FNDC3B: variants seen among roughly 807,000 people sequenced by gnomAD.
FNDC3B encodes the protein fibronectin type III domain containing 3B, also known as fibronectin type III domain-containing protein 3B.
A neutral mutation model predicts 151.5 loss-of-function variants in FNDC3B; 12 were observed. That is an observed-to-expected ratio of 0.08 (90% CI 0.05 to 0.13). The LOEUF (loss-of-function observed/expected upper bound fraction) is 0.13. Among genes scored for constraint, FNDC3B ranks in the 10% least tolerant of loss-of-function variants. The probability of loss-of-function intolerance (pLI) is 1.00; values close to 1 mark genes in which losing one functional copy is unlikely to be tolerated. For missense variants in FNDC3B, 1,214 were observed against 1,505.3 expected (o/e 0.81, Z 3.20); for synonymous variants, 528 against 549.0 (o/e 0.96, Z 0.54).
intron 3 of FNDC3B, among the ~76,000 whole-genome samples, chr3:172,151,118 G>A (rs575709977): frequency 6.6e-6 from 1 of 152,134 alleles, no homozygotes; most frequent in Admixed American, 6.5e-5. Flanking sequence ...GATATTCTTT[G>A]TTAGTTTGTC....
At chr3:172,356,286 G>A (rs990428600) in intron 22 of FNDC3B, among the ~76,000 whole-genome samples, 1 of 152,178 alleles carries the variant, frequency 6.6e-6, no homozygotes, top group Non-Finnish European at 1.5e-5. Context: ...ACTTTGGGAA[G>A]TTATTTAAGC....
Position 172,094,656 on chromosome 3 carries a change from C to G in FNDC3B, c.-28-17796C>G, listed in dbSNP as rs552665983. On this transcript the variant is annotated intron_variant, in intron 1 of 25. Transcript: ENST00000415807. ...AGGAATCTGCGTTTTTAAACAAGCACCCCGCTTAATTCTGTTGCTGATAGT... is the reference window on the plus strand; with the variant it reads ...AGGAATCTGCGTTTTTAAACAAGCAGCCCGCTTAATTCTGTTGCTGATAGT... 5.1e-4 allele frequency among the ~76,000 whole-genome samples: 78 copies of G among 152,132 alleles called. 1 individual carries two copies. Among genetic ancestry groups the G allele is most frequent in the Middle Eastern group, 6.8e-3 (2 of 294 alleles).
chr3:172,134,518 TACAA>T, intron 3 of FNDC3B: 1 of 417,254 alleles, frequency 2.4e-6, no homozygotes. Flanking sequence ...CTTACCAATA[TACAA>T]ACAAACTGGG....
intron 19 of FNDC3B, 138 bp downstream of exon 19, chr3:172,344,396 A>G: frequency 1.5e-6 from 1 of 648,408 alleles, no homozygotes; most frequent in South Asian, 2.5e-5. Context: ...CAGTGTCTGT[A>G]AATCTTAATT....
chr3:172,391,184 C>T (rs1169915206), intron 25 of FNDC3B, among the ~76,000 whole-genome samples: 1 of 152,140 alleles, frequency 6.6e-6, no homozygotes, highest in Non-Finnish European at 1.5e-5. Context: ...TTCTTCATAT[C>T]TAAAATGAAA....
chr3:172,332,994 T>C (rs1732756499), intron 13 of FNDC3B, 95 bp from the exon 14 acceptor site: 1 of 814,532 alleles, frequency 1.2e-6, no homozygotes. Context: ...TTGCTGGTGA[T>C]GGTAGGGAAA....
chr3:172,295,939 T>G (rs1730581564), intron 8 of FNDC3B, among the ~76,000 whole-genome samples: 1 of 152,252 alleles, frequency 6.6e-6, no homozygotes, highest in South Asian at 2.1e-4. Context: ...TTTCTTACCT[T>G]GCACAATAGT....
intron 3 of FNDC3B, among the ~76,000 whole-genome samples, chr3:172,160,028 C>T (rs1026149498): frequency 3.9e-5 from 6 of 152,120 alleles, no homozygotes; most frequent in Non-Finnish European, 7.4e-5. Context: ...TGGGGGAGGC[C>T]GGCAGGGGCT....
intron 1 of FNDC3B, among the ~76,000 whole-genome samples, chr3:172,072,688 G>GACCT (rs1417074023): frequency 6.6e-6 from 1 of 152,194 alleles, no homozygotes; most frequent in African/African-American, 2.4e-5. Context: ...CATTAGGCGT[G>GACCT]ATGATAAGAT....
chr3:172,053,214 A>G (rs945725305), intron 1 of FNDC3B, among the ~76,000 whole-genome samples: 7 of 152,234 alleles, frequency 4.6e-5, no homozygotes, highest in African/African-American at 1.7e-4. Context: ...AAGCTGGTAC[A>G]TATTGAGTGC....
At chr3:172,342,387 T>A (rs1315456666) in intron 17 of FNDC3B, among the ~76,000 whole-genome samples, 2 of 152,216 alleles carry the variant, frequency 1.3e-5, no homozygotes, top group East Asian at 1.9e-4. Context: ...TAGAGTTCAT[T>A]TCCTCTGTGC....
intron 1 of FNDC3B, among the ~76,000 whole-genome samples, chr3:172,084,699 A>G (rs1718464183): frequency 6.6e-6 from 1 of 152,258 alleles, no homozygotes; most frequent in African/African-American, 2.4e-5. Context: ...TAATTTGTCC[A>G]GTTACATGGT....
At chr3:172,235,515 G>T (rs746812579) in intron 4 of FNDC3B, among the ~76,000 whole-genome samples, 3 of 152,140 alleles carry the variant, frequency 2.0e-5, no homozygotes, top group Non-Finnish European at 4.4e-5. Flanking sequence ...CTGTTACTGG[G>T]AAGGGTCCAG....
chr3:172,341,327 C>T (rs1289913077), intron 17 of FNDC3B, 96 bp downstream of exon 17: 1 of 878,660 alleles, frequency 1.1e-6, no homozygotes, highest in Non-Finnish European at 1.9e-6. Context: ...AACAATGTAT[C>T]TTGGTAATGC....
At chr3:172,201,021 T>C (rs964882276) in intron 3 of FNDC3B, among the ~76,000 whole-genome samples, 2 of 152,242 alleles carry the variant, frequency 1.3e-5, no homozygotes, top group African/African-American at 4.8e-5. Flanking sequence ...AAGCTAGAGT[T>C]TGAATAACAC....
intron 4 of FNDC3B, among the ~76,000 whole-genome samples, chr3:172,228,623 A>G (rs998839065): frequency 1.3e-5 from 2 of 152,236 alleles, no homozygotes; most frequent in African/African-American, 4.8e-5. Flanking sequence ...GTAGAGCTGT[A>G]CACTCGCTTG....
At chr3:172,186,819 A>C (rs996694444) in intron 3 of FNDC3B, 2 of 687,722 alleles carry the variant, frequency 2.9e-6, no homozygotes, top group Non-Finnish European at 2.6e-6. Flanking sequence ...ATATTTCTTC[A>C]TTACGAGCAC....
rs140647676 is a variant in FNDC3B, at chr3:172,179,640, G to A, written c.187+46094G>A. On this transcript the variant is annotated intron_variant, in intron 3 of 25. Transcript: ENST00000415807. ...CTCCCGGCTGTAATTCCAATACTTC[G>A]ATAAGTTAAGGTGGGAGGACCACTT... Among the ~76,000 whole-genome samples, 6 of 151,212 alleles carry A rather than the reference G, an allele frequency of 4.0e-5. No homozygotes were observed. The East Asian group carries it at 9.8e-4, about 25-fold the overall frequency.
At chr3:172,201,490 T>G (rs1327071564) in intron 3 of FNDC3B, among the ~76,000 whole-genome samples, 1 of 152,212 alleles carries the variant, frequency 6.6e-6, no homozygotes, top group African/African-American at 2.4e-5. Context: ...TGGGCTCTTT[T>G]GTTCAGTGTG....
Sources: gnomAD v4.1 joint callset for allele counts (sites outside exome capture counted in the v4.1 genomes callset) on GRCh38, gnomAD v4.1.1 for gene constraint, MANE v1.5 for transcripts, NCBI Gene and HGNC (gene_info 2026-07-23, HGNC 2026-07-21) for gene names.